The following CHRND variants were observed in gnomAD, a reference collection of about 807,000 sequenced individuals.
The protein encoded by CHRND is acetylcholine receptor subunit delta.
In CHRND, 40 loss-of-function variants were observed where a neutral mutation model predicts 57.8. The ratio of observed to expected loss-of-function variants is 0.69; its 90% confidence interval spans 0.54 to 0.90. CHRND has a LOEUF of 0.90. Ranked by LOEUF, CHRND falls within the 40% of genes least tolerant of loss-of-function variation. CHRND has a pLI of 0.00. For missense variants in CHRND, 634 were observed against 673.9 expected (o/e 0.94, Z 0.66); for synonymous variants, 237 against 270.6 (o/e 0.88, Z 1.22).
At chr2:232,528,126 C>A in intron 3 of CHRND, 136 bp from the exon 4 acceptor site, 1 of 774,622 alleles carries the variant, frequency 1.3e-6, no homozygotes, top group Non-Finnish European at 2.2e-6. Context: ...CCTGAATCCG[C>A]ACTCTGTACC....
chr2:232,535,449 C>A lies in CHRND; in HGVS notation c.*137C>A. 9.5e-7 allele frequency: 1 copy of A among 1,053,250 alleles called. No individual in the cohort carries two copies. Among genetic ancestry groups the A allele is most frequent in the African/African-American group, 1.6e-5 (1 of 63,890 alleles). The allele number at this position is 1,053,250 out of a possible 1,614,324, so 65.2% of individuals were successfully genotyped here. ...CCAAGGAAGGGAGGGAGCAGCCACT[C>A]CTCAATGCTCAATGGCTCCCCTGAA... On this transcript the variant is annotated 3_prime_UTR_variant, in exon 12 of 12. Transcript: ENST00000258385.
In CHRND at chr2:232,534,062, C is replaced by T. The variant is rs1337877499; in HGVS notation, c.1179C>T (p.Leu393=). The part of the protein sequence containing the change: ...YISKAEEYFL[L]KSRSDLMFEK... ...CCAAGGCCGAGGAGTACTTCCTGCT[C>T]AAGTCCCGCAGTGACCTCATGTTCG... is the stretch of plus-strand genomic sequence containing the variant. Residue 393 remains leucine, a synonymous_variant, in exon 10 of 12, where the codon CTC becomes CTT. Coordinates refer to ENST00000258385, the MANE Select transcript of CHRND (RefSeq NM_000751.3). The T allele has an allele frequency of 4.3e-6, 7 of 1,614,018 alleles. No homozygotes were observed. Among genetic ancestry groups the T allele is most frequent in the Non-Finnish European group, 5.9e-6 (7 of 1,180,046 alleles).
chr2:232,535,985 C>T lies in CHRND; in HGVS notation c.*673C>T. The T allele has an allele frequency of 4.4e-6, 2 of 454,144 alleles. No homozygotes were observed. Among genetic ancestry groups the T allele is most frequent in the Non-Finnish European group, 8.8e-6 (2 of 226,802 alleles). The allele number at this position is 454,144 out of a possible 1,614,324, so 28.1% of individuals were successfully genotyped here. ...CCTCTCCCCAAAGGGTCCCTGCCCC[C>T]CAGCACCTACTCCTCTCCAAATTAG... On this transcript the variant is annotated 3_prime_UTR_variant, in exon 12 of 12. Transcript: ENST00000258385.
In CHRND at chr2:232,527,310, A is replaced by AAAAGAGAG. The variant is rs113930536; in HGVS notation, c.199-90_199-89insAAGAGAGA. On this transcript the variant is annotated intron_variant, in intron 2 of 11. Coordinates refer to ENST00000258385, the MANE Select transcript of CHRND (RefSeq NM_000751.3). Reference sequence around the variant, plus strand: ...AATTGAGCAAGACCCTGGAAAAAAAAAGAGAGAGAGAGAGAGAGAGAGAGT... The same window carrying AAAAGAGAG: ...AATTGAGCAAGACCCTGGAAAAAAAAAAAGAGAGAGAGAGAGAGAGAGAGAGAGAGAGT... 2,395 of 913,668 alleles carry AAAAGAGAG rather than the reference A, an allele frequency of 2.6e-3. 5 individuals are homozygous for AAAAGAGAG. The highest frequency in any genetic ancestry group is 0.024 in the South Asian group (1,707 of 70,890). The allele number at this position is 913,668 out of a possible 1,614,324, so 56.6% of individuals were successfully genotyped here. A position where few individuals can be genotyped will look rare whatever the true frequency, so the allele number is the denominator to read the frequency against.
At chr2:232,532,199 A>G (rs529564738) in intron 9 of CHRND, among the ~76,000 whole-genome samples, 1 of 151,892 alleles carries the variant, frequency 6.6e-6, no homozygotes, top group Non-Finnish European at 1.5e-5. Context: ...CGGGTGTGGT[A>G]GCTCACACCT....
At position 232,531,909 on chromosome 2, in the gene CHRND, G is replaced by T. The variant is rs115215242; in HGVS notation, c.1047+253G>T. On this transcript the variant is annotated intron_variant, in intron 9 of 11. Transcript: ENST00000258385. ...CTGCAGTGAGCTGTGATCGCGCCAG[G>T]GCACTCCAGCCTGGGCAACAGAGTG... 0.055 allele frequency among the ~76,000 whole-genome samples: 7,761 copies of T among 142,228 alleles called. 250 individuals are homozygous for T. The highest frequency in any genetic ancestry group is 0.096 in the Admixed American group (1,322 of 13,810). 93.3% of individuals were successfully genotyped at this position (142,228 alleles called of 152,430 possible). A position where few individuals can be genotyped will look rare whatever the true frequency, so the allele number is the denominator to read the frequency against.
intron 1 of CHRND, 107 bp downstream of exon 1, chr2:232,526,374 G>C (rs1186719029): frequency 2.9e-5 from 44 of 1,516,412 alleles, no homozygotes; most frequent in East Asian, 7.0e-5. Context: ...ATCTCTCCCT[G>C]TGGGGGGCCG....
chr2:232,534,941 T>A (rs912235159), intron 11 of CHRND, among the ~76,000 whole-genome samples, 189 bp from the exon 12 acceptor site: 2 of 152,226 alleles, frequency 1.3e-5, no homozygotes, highest in Admixed American at 1.3e-4. Flanking sequence ...AACAGAGTGA[T>A]CAGCCCTGCC....
At chr2:232,529,324 T>C (rs991544453) in intron 6 of CHRND, among the ~76,000 whole-genome samples, 1 of 152,186 alleles carries the variant, frequency 6.6e-6, no homozygotes, top group South Asian at 2.1e-4. Flanking sequence ...AGGGGTGTGG[T>C]TGGCATGAGG....
intron 6 of CHRND, 84 bp from the exon 7 acceptor site, chr2:232,529,855 T>C: frequency 2.7e-6 from 4 of 1,474,752 alleles, no homozygotes; most frequent in East Asian, 2.3e-5. Context: ...TGGCTTGCCC[T>C]GCCCAGCCCC....
intron 9 of CHRND, 29 bp from the exon 10 acceptor site, chr2:232,533,902 T>C (rs1338745540): frequency 6.2e-7 from 1 of 1,608,602 alleles, no homozygotes; most frequent in Non-Finnish European, 8.5e-7. Context: ...AAACAACGCC[T>C]TTCTTGTGGC....
At chr2:232,528,198 G>A in intron 3 of CHRND, 64 bp from the exon 4 acceptor site, 1 of 1,475,080 alleles carries the variant, frequency 6.8e-7, no homozygotes, top group South Asian at 1.1e-5. Context: ...TCTCAGGGAA[G>A]TGGGGGGAGC....
chr2:232,526,923 C>T (rs940312878), intron 2 of CHRND, among the ~76,000 whole-genome samples: 1 of 152,202 alleles, frequency 6.6e-6, no homozygotes, highest in African/African-American at 2.4e-5. Flanking sequence ...CTGGTCCTCT[C>T]TGCTCCCTGG....
chr2:232,535,961 C>T lies in CHRND; in HGVS notation c.*649C>T, dbSNP rs534930039. ...ATCCTAGAGGACCAGAACGCAGCAC[C>T]TCTCCCCAAAGGGTCCCTGCCCCCC... On this transcript the variant is annotated 3_prime_UTR_variant, in exon 12 of 12. Transcript: ENST00000258385. The T allele has an allele frequency of 4.4e-6, 2 of 454,146 alleles. No individual in the cohort carries two copies. Among genetic ancestry groups the T allele is most frequent in the Non-Finnish European group, 4.4e-6 (1 of 226,794 alleles). 28.1% of individuals were successfully genotyped at this position (454,146 alleles called of 1,614,324 possible). A position where few individuals can be genotyped will look rare whatever the true frequency, so the allele number is the denominator to read the frequency against.
intron 7 of CHRND, among the ~76,000 whole-genome samples, chr2:232,530,897 G>T (rs1056588596): frequency 6.6e-6 from 1 of 152,176 alleles, no homozygotes; most frequent in Admixed American, 6.5e-5. Flanking sequence ...ACTGGGCTGG[G>T]GTCTCTGAGT....
At chr2:232,533,358 G>C (rs1559297858) in intron 9 of CHRND, among the ~76,000 whole-genome samples, 1 of 152,146 alleles carries the variant, frequency 6.6e-6, no homozygotes, top group Non-Finnish European at 1.5e-5. Context: ...TGATGGGGGA[G>C]ACTCTAGCAT....
Position 232,533,938 on chromosome 2 carries a change from TGGAGACCCTGCC to T in CHRND, c.1060_1071del (p.Thr354_Glu357del). 4 of 1,612,574 alleles carry T rather than the reference TGGAGACCCTGCC, an allele frequency of 2.5e-6. No individual in the cohort carries two copies. Among genetic ancestry groups the T allele is most frequent in the Non-Finnish European group, 3.4e-6 (4 of 1,179,898 alleles). On this transcript the variant is annotated inframe_deletion, in exon 10 of 12. Transcript: ENST00000258385. The stretch of plus-strand genomic sequence containing the variant: ...CCCTTGACATGGCCCCAGCTCTTCC[TGGAGACCCTGCC>T]GGAGCTCCTGCACATGTCCCGCCCA...
intron 7 of CHRND, among the ~76,000 whole-genome samples, chr2:232,530,393 T>G (rs886620959): frequency 6.6e-6 from 1 of 152,182 alleles, no homozygotes; most frequent in African/African-American, 2.4e-5. Context: ...GAAGAACTGC[T>G]AAACTGTCCC....
At chr2:232,526,796 G>A (rs1340325517) in intron 2 of CHRND, 122 bp downstream of exon 2, 28 of 1,018,942 alleles carry the variant, frequency 2.7e-5, no homozygotes, top group South Asian at 4.3e-5. Flanking sequence ...CCTGGGAAAC[G>A]TGCTGCGGCT....
Sources: allele counts gnomAD v4.1 joint callset (sites outside exome capture counted in the v4.1 genomes callset), GRCh38; gene constraint gnomAD v4.1.1; transcripts MANE v1.5; gene names NCBI Gene and HGNC (gene_info 2026-07-23, HGNC 2026-07-21).